The following OBSL1 variants were observed in gnomAD, a reference collection of about 807,000 sequenced individuals.
The protein encoded by OBSL1 is obscurin like cytoskeletal adaptor 1, also known as obscurin-like protein 1.
Under a neutral mutation model 172.0 loss-of-function variants are expected in OBSL1, and 160 were observed. The ratio of observed to expected loss-of-function variants is 0.93; its 90% CI spans 0.82 to 1.06. OBSL1 has a LOEUF of 1.06. Ranked by LOEUF, OBSL1 falls within the 50% of genes least tolerant of loss-of-function variation. The pLI is 0.00. For missense variants in OBSL1, 2,681 were observed against 2,715.4 expected (o/e 0.99, Z 0.28); for synonymous variants, 1,200 against 1,196.3 (o/e 1.00, Z -0.06).
At chr2:219,551,271 GGA>G in intron 20 of OBSL1, 2 of 1,404,884 alleles carry the variant, frequency 1.4e-6, no homozygotes, top group Non-Finnish European at 1.8e-6. Flanking sequence ...TCCAGTGGCA[GGA>G]GAGAGGAGAA....
At chr2:219,563,229 T>C in intron 7 of OBSL1, 126 bp downstream of exon 7, 2 of 943,050 alleles carry the variant, frequency 2.1e-6, no homozygotes, top group East Asian at 5.3e-5. Flanking sequence ...AGGGAGGAGG[T>C]CCGATCTGCC....
downstream of OBSL1, chr2:219,547,428 G>A: frequency 8.4e-7 from 1 of 1,189,038 alleles, no homozygotes; most frequent in East Asian, 2.8e-5. Context: ...GGGATCCCAT[G>A]TCCTTGACCC....
Position 219,551,601 on chromosome 2 carries a change from G to T in OBSL1, c.5611C>A (p.Arg1871=). ...PTHSLVIHDV[R]PEDQGTYCCQ... is the part of the protein sequence containing the mutation. ...CAGTAAGTGCCTTGGTCCTCAGGTCGAACGTCATGGATGACCAGGCTGTGG... is the reference window on the plus strand; with the variant it reads ...CAGTAAGTGCCTTGGTCCTCAGGTCTAACGTCATGGATGACCAGGCTGTGG... Residue 1871 remains arginine, a synonymous_variant, in exon 20 of 21, where the codon CGA becomes AGA. Transcript: ENST00000404537. 1 of 1,610,608 alleles carries T rather than the reference G, an allele frequency of 6.2e-7. No individual in the cohort carries two copies. Among genetic ancestry groups the T allele is most frequent in the Non-Finnish European group, 8.5e-7 (1 of 1,178,582 alleles).
In OBSL1 at chr2:219,566,989, G is replaced by C. The variant is rs1167380886; in HGVS notation, c.1975C>G (p.Pro659Ala). Residue 659 changes from proline (P) to alanine (A), a missense_variant, in exon 5 of 21, where the codon CCG becomes GCG. Pro to Ala is a conservative substitution (Grantham distance 27). Coordinates refer to ENST00000404537, the MANE Select transcript of OBSL1 (RefSeq NM_015311.3). ...LNGEELKSNE[P>A]EGQVEPGALR... Reference sequence around the variant, plus strand: ...GCCCCAGGTTCCACCTGGCCCTCCGGCTCGTTACTCTTGAGCTCTTCCCCA... The same window carrying C: ...GCCCCAGGTTCCACCTGGCCCTCCGCCTCGTTACTCTTGAGCTCTTCCCCA... 6.2e-7 allele frequency: 1 copy of C among 1,613,642 alleles called. No individual in the cohort carries two copies. The highest frequency in any genetic ancestry group is 8.5e-7 in the Non-Finnish European group (1 of 1,179,886).
At chr2:219,565,947 C>T (rs1425677935) in intron 5 of OBSL1, among the ~76,000 whole-genome samples, 4 of 152,162 alleles carry the variant, frequency 2.6e-5, no homozygotes, top group Non-Finnish European at 4.4e-5. Context: ...CAAATGCTAG[C>T]GTGATCCTTG....
rs576784596 is a variant in OBSL1 at position 219,552,929 on chromosome 2, G to T, written c.5085C>A (p.Ala1695=). 2.0e-6 allele frequency: 3 copies of T among 1,537,042 alleles called. No individual in the cohort carries two copies. The South Asian group carries it at 3.6e-5, about 18-fold the overall frequency. ...TCCCCACCGCGCAGCTGTAGGTCCCGGCGTCCGAGGGGCCGCAGCGTCGCA... is the reference window on the plus strand; with the variant it reads ...TCCCCACCGCGCAGCTGTAGGTCCCTGCGTCCGAGGGGCCGCAGCGTCGCA... ...LQLRRCGPSD[A]GTYSCAVGTA... is the part of the protein sequence containing the mutation. The change falls in exon 17 of 21, where the codon GCC becomes GCA. Residue 1695 remains alanine, a synonymous_variant. Coordinates refer to ENST00000404537, the MANE Select transcript of OBSL1 (RefSeq NM_015311.3).
chr2:219,552,017 G>A (rs1304670541), intron 19 of OBSL1, 95 bp downstream of exon 19: 2 of 1,265,330 alleles, frequency 1.6e-6, no homozygotes, highest in Non-Finnish European at 2.3e-6. Flanking sequence ...AGGGAAGAGA[G>A]AGGCAGCGTT....
At chr2:219,569,120 A>C (rs1697151705) in intron 1 of OBSL1, 1 of 151,682 alleles carries the variant, frequency 6.6e-6, no homozygotes, top group Non-Finnish European at 1.5e-5. Context: ...GTTGGAAATC[A>C]GAGGATTAAC....
At chr2:219,547,376 C>G, downstream of OBSL1, 1 of 726,848 alleles carries the variant, frequency 1.4e-6, no homozygotes, top group Non-Finnish European at 2.0e-6. Context: ...CTCCAGTGAC[C>G]CTCAATTCTC....
rs370345307 is a variant in OBSL1 at position 219,563,415 on chromosome 2, C to T, written c.2620G>A (p.Gly874Arg). The T allele has an allele frequency of 3.7e-5, 60 of 1,609,552 alleles. 1 individual carries two copies. The South Asian group carries it at 4.9e-4, about 13-fold the overall frequency. The change falls in exon 7 of 21, where the codon GGG (glycine) becomes AGG (arginine). Residue 874 changes from glycine to arginine, a missense_variant. Coordinates refer to ENST00000404537, the MANE Select transcript of OBSL1 (RefSeq NM_015311.3). ...LVLPATQPSDGGEFQCVAGDE... is the reference protein window; with the variant it reads ...LVLPATQPSDRGEFQCVAGDE... ...CCAGCGACGCACTGAAACTCGCCCC[C>T]GTCTGAGGGCTGGGTGGCGGGCAGC...
At chr2:219,567,147 A>G in intron 4 of OBSL1, 21 bp from the exon 5 acceptor site, 1 of 1,608,824 alleles carries the variant, frequency 6.2e-7, no homozygotes, top group Non-Finnish European at 8.5e-7. Context: ...GACAGAGTGC[A>G]GCTGTCAGAA....
intron 12 of OBSL1, 21 bp downstream of exon 12, chr2:219,557,322 G>A (rs1026719624): frequency 2.0e-6 from 3 of 1,467,300 alleles, no homozygotes; most frequent in East Asian, 2.5e-5. Flanking sequence ...AGCCCACAGG[G>A]TGTGAGGGGT....
rs952217001 is a variant in OBSL1, at chr2:219,558,280, G to A, written c.3406C>T (p.Arg1136Cys). The change falls in exon 10 of 21, where the codon CGC (arginine) becomes TGC (cysteine). Residue 1136 changes from arginine (R) to cysteine (C), a missense_variant. Coordinates refer to ENST00000404537, the MANE Select transcript of OBSL1 (RefSeq NM_015311.3). Reference protein sequence around the residue: ...ALQLGAEGPTRTLTLPHAQPE... With the variant: ...ALQLGAEGPTCTLTLPHAQPE... ...TGGGCGTGGGGCAGGGTCAGGGTGC[G>A]GGTGGGCCCCTCGGCACCCAGCTGC... 5.6e-6 allele frequency: 9 copies of A among 1,611,370 alleles called. No individual in the cohort carries two copies. The African/African-American group carries it at 6.7e-5, about 12-fold the overall frequency.
chr2:219,570,668 C>T lies in OBSL1; in HGVS notation c.565G>A (p.Gly189Ser), dbSNP rs1464725267. The change falls in exon 1 of 21, where the codon GGC (glycine) becomes AGC (serine). Residue 189 changes from glycine (G) to serine (S), a missense_variant. Physicochemically the swap from Gly to Ser is moderately conservative, Grantham distance 56. This residue lies in a region of OBSL1 where 706 missense variants were observed against 695.8 expected (regional missense o/e 1.01). Transcript: ENST00000404537. ...AGGATGCGCAGTGCCAGGCTCGCGC[C>T]GGGGCCGTCCTCGGCGCGGCCCGGC... ...LQPGRAEDGP[G>S]ASLALRILAA... 3 of 1,507,980 alleles carry T rather than the reference C, an allele frequency of 2.0e-6. No homozygotes were observed. Among genetic ancestry groups the T allele is most frequent in the Admixed American group, 2.1e-5 (1 of 47,696 alleles). The allele number at this position is 1,507,980 out of a possible 1,614,324, so 93.4% of individuals were successfully genotyped here.
At position 219,559,438 on chromosome 2, in the gene OBSL1, CCAAGGTCACGGCGAT is replaced by C. The variant is rs779549572; in HGVS notation, c.2998_3012del (p.Ile1000_Leu1004del). 6.4e-5 allele frequency: 104 copies of C among 1,613,838 alleles called. No individual in the cohort carries two copies. In the Middle Eastern group the frequency reaches 6.6e-4, roughly 10 times the overall value. The stretch of plus-strand genomic sequence containing the variant: ...AGTTCACACATCAGCACCACACACT[CCAAGGTCACGGCGAT>C]CAAGGTCACCTCATCGCGAGGGTAT... On this transcript the variant is annotated inframe_deletion, in exon 9 of 21. Coordinates refer to ENST00000404537, the MANE Select transcript of OBSL1 (RefSeq NM_015311.3).
Position 219,562,700 on chromosome 2 carries a change from G to C in OBSL1, c.2681-26C>G. The C allele has an allele frequency of 2.6e-6, 4 of 1,518,802 alleles. No homozygotes were observed. The African/African-American group carries it at 4.2e-5, about 16-fold the overall frequency. 94.1% of individuals were successfully genotyped at this position (1,518,802 alleles called of 1,614,324 possible). Reference sequence around the variant, plus strand: ...CTGGAGGACAGGGACAGCCACTGCCGGGCATGAGGGGTGTGCCCTGCCGTC... The same window carrying C: ...CTGGAGGACAGGGACAGCCACTGCCCGGCATGAGGGGTGTGCCCTGCCGTC... On this transcript the variant is annotated intron_variant, in intron 7 of 20. Coordinates refer to ENST00000404537, the MANE Select transcript of OBSL1 (RefSeq NM_015311.3).
chr2:219,552,886 C>T lies in OBSL1; in HGVS notation c.5128G>A (p.Val1710Ile). Residue 1710 changes from valine (V) to isoleucine (I), a missense_variant, in exon 17 of 21, where the codon GTC becomes ATC. This residue lies in a region of OBSL1 where 1,765 missense variants were observed against 1,748.3 expected (regional missense o/e 1.01). Transcript: ENST00000404537. ...CAVGTARAGP[V>I]RLTVRERTVA... ...TACCCACCGCGCACGGTCAGGCGGA[C>T]CGGTCCGGCGCGGGCCGTCCCCACC... The T allele has an allele frequency of 6.5e-7, 1 of 1,541,900 alleles. No homozygotes were observed. Among genetic ancestry groups the T allele is most frequent in the Non-Finnish European group, 8.7e-7 (1 of 1,145,366 alleles).
At chr2:219,561,875 G>C in intron 8 of OBSL1, 1 of 717,416 alleles carries the variant, frequency 1.4e-6, no homozygotes, top group Non-Finnish European at 2.6e-6. Context: ...CAAACTATGG[G>C]GGCAGCTGCT....
Position 219,568,102 on chromosome 2 carries a change from C to T in OBSL1, c.1235G>A (p.Cys412Tyr). 1 of 1,613,434 alleles carries T rather than the reference C, an allele frequency of 6.2e-7. No individual in the cohort carries two copies. Among genetic ancestry groups the T allele is most frequent in the Non-Finnish European group, 8.5e-7 (1 of 1,179,576 alleles). Residue 412 changes from cysteine (C) to tyrosine (Y), a missense_variant, in exon 2 of 21, where the codon TGC becomes TAC. Around this residue, in one of 5 missense-constraint regions of OBSL1, gnomAD observed 706 missense variants for 695.8 expected, o/e 1.01. Coordinates refer to ENST00000404537, the MANE Select transcript of OBSL1 (RefSeq NM_015311.3). The surrounding 1 kb of genome is among the most constrained non-coding windows in gnomAD (Gnocchi z 4.1). ...LKADDDGIYL[C>Y]EMRGRVRTVA... is the part of the protein sequence containing the mutation. Reference sequence around the variant, plus strand: ...GGTGCGCACCCGGCCCCGCATCTCGCACAGGTAGATACCATCATCGTCTGC... The same window carrying T: ...GGTGCGCACCCGGCCCCGCATCTCGTACAGGTAGATACCATCATCGTCTGC...
Sources: gnomAD v4.1 joint callset for allele counts (sites outside exome capture counted in the v4.1 genomes callset) on GRCh38, gnomAD v4.1.1 for gene constraint, gnomAD v4.1.1 regional missense constraint, Gnocchi (gnomAD v3.1) non-coding constraint, MANE v1.5 for transcripts, NCBI Gene and HGNC (gene_info 2026-07-23, HGNC 2026-07-21) for gene names.